Variants in ZNRF1 observed in about 807,000 individuals in gnomAD.
ZNRF1 encodes the protein E3 ubiquitin-protein ligase ZNRF1.
Under a neutral mutation model 18.4 loss-of-function variants are expected in ZNRF1, and 3 were observed. The ratio of observed to expected loss-of-function variants is 0.16; its 90% CI spans 0.07 to 0.42. ZNRF1 has a LOEUF of 0.42. ZNRF1 is among the 10% of genes least tolerant of loss of function. The pLI, the probability that ZNRF1 is intolerant of heterozygous loss-of-function variation, is 0.99. For missense variants in ZNRF1, 310 were observed against 329.8 expected (o/e 0.94, Z 0.47); for synonymous variants, 157 against 144.2 (o/e 1.09, Z -0.64).
At chr16:75,004,637 A>T (rs1290683872) in intron 1 of ZNRF1, among the ~76,000 whole-genome samples, 19 of 152,154 alleles carry the variant, frequency 1.2e-4, no homozygotes, top group Admixed American at 1.2e-3. Flanking sequence ...TTTTTGAGAC[A>T]GGGTCTTGCT....
chr16:75,057,180 C>T (rs117601275), intron 1 of ZNRF1, among the ~76,000 whole-genome samples: 1,823 of 152,296 alleles, frequency 0.012, 14 homozygotes, highest in Non-Finnish European at 0.018. Context: ...CCCACCCTGC[C>T]GTCCTGCTGC....
Position 75,108,903 on chromosome 16 carries a change from C to T in ZNRF1, c.*1203C>T, listed in dbSNP as rs993866217. On this transcript the variant is annotated 3_prime_UTR_variant, in exon 5 of 5. Transcript: ENST00000335325. The stretch of plus-strand genomic sequence containing the variant: ...GCAAGTCAGGCGTGCCTCCTACAAG[C>T]TTCCTAACCTCTTAAGCATCATGGA... The T allele has an allele frequency of 8.6e-6, 2 of 232,748 alleles. No homozygotes were observed. The highest frequency in any genetic ancestry group is 1.6e-5 in the Non-Finnish European group (2 of 122,366). The allele number at this position is 232,748 out of a possible 1,614,324, so 14.4% of individuals were successfully genotyped here. A position where few individuals can be genotyped will look rare whatever the true frequency, so the allele number is the denominator to read the frequency against.
intron 2 of ZNRF1, chr16:75,104,522 C>T (rs144522322): frequency 1.9e-5 from 6 of 308,476 alleles, no homozygotes; most frequent in African/African-American, 6.6e-5. Context: ...CTTTTTCGTC[C>T]GCTGTCACCT....
chr16:75,011,966 G>C (rs1294348688), intron 1 of ZNRF1, among the ~76,000 whole-genome samples: 2 of 151,940 alleles, frequency 1.3e-5, no homozygotes. Context: ...CTGAAAATTT[G>C]TTTGAAAAAA....
At chr16:75,001,012 G>A (rs991345955) in intron 1 of ZNRF1, among the ~76,000 whole-genome samples, 1 of 152,192 alleles carries the variant, frequency 6.6e-6, no homozygotes, top group Admixed American at 6.5e-5. Flanking sequence ...GGCAAAAAAG[G>A]CCTGGCAGGA....
At chr16:75,042,435 G>GTTTC (rs1245167707) in intron 1 of ZNRF1, among the ~76,000 whole-genome samples, 2 of 116,112 alleles carry the variant, frequency 1.7e-5, no homozygotes, top group African/African-American at 6.2e-5. Flanking sequence ...GGGAGTGTCT[G>GTTTC]TTTCTTTCTT....
At chr16:75,001,413 A>C (rs2034847639) in intron 1 of ZNRF1, among the ~76,000 whole-genome samples, 1 of 117,164 alleles carries the variant, frequency 8.5e-6, no homozygotes, top group African/African-American at 2.7e-5. Context: ...GTAGCTTGTG[A>C]ATTGTTAGGA....
In ZNRF1 at chr16:74,999,052, G is replaced by T. The variant is rs952539607; in HGVS notation, c.-620G>T. ...GTCTCCACGGCGGCGAGGAGCGCCG[G>T]CGAGCGCAGCCCGGGACCGAGCGGG... On this transcript the variant is annotated 5_prime_UTR_variant, in exon 1 of 5. Coordinates refer to ENST00000335325, the MANE Select transcript of ZNRF1 (RefSeq NM_032268.5). 5 of 150,546 alleles carry T rather than the reference G, an allele frequency of 3.3e-5. No individual in the cohort carries two copies. Among genetic ancestry groups the T allele is most frequent in the Non-Finnish European group, 5.9e-5 (4 of 67,510 alleles). 9.3% of individuals were successfully genotyped at this position (150,546 alleles called of 1,614,324 possible). A position where few individuals can be genotyped will look rare whatever the true frequency, so the allele number is the denominator to read the frequency against.
chr16:75,105,712 C>T (rs958049307), intron 3 of ZNRF1: 2 of 152,240 alleles, frequency 1.3e-5, no homozygotes, highest in Admixed American at 1.3e-4. Flanking sequence ...CTAACCAGAA[C>T]CAGAAAAGGA....
chr16:75,077,270 C>T (rs528450336), intron 1 of ZNRF1, among the ~76,000 whole-genome samples: 11 of 152,328 alleles, frequency 7.2e-5, no homozygotes, highest in Admixed American at 6.5e-5. Context: ...CGGTGGCTCA[C>T]GCCTGTAATC....
At chr16:75,030,675 C>T (rs758507080) in intron 1 of ZNRF1, among the ~76,000 whole-genome samples, 23 of 152,228 alleles carry the variant, frequency 1.5e-4, no homozygotes, top group Non-Finnish European at 3.1e-4. Flanking sequence ...CTACCCAAGA[C>T]AACCACTAAT....
chr16:75,071,905 A>G (rs989951340), intron 1 of ZNRF1, among the ~76,000 whole-genome samples: 2 of 151,920 alleles, frequency 1.3e-5, no homozygotes, highest in African/African-American at 4.8e-5. Context: ...TGACTCCTGC[A>G]CCTAGGGTAC....
intron 1 of ZNRF1, among the ~76,000 whole-genome samples, chr16:75,079,000 G>A (rs370450072): frequency 6.6e-5 from 10 of 152,298 alleles, no homozygotes; most frequent in African/African-American, 1.9e-4. Context: ...CCTCCTCCAT[G>A]CCTTACTCCC....
chr16:75,084,286 T>C (rs1359591992), intron 1 of ZNRF1: 1 of 152,244 alleles, frequency 6.6e-6, no homozygotes, highest in Non-Finnish European at 1.5e-5. Context: ...GTGAACAGCA[T>C]TGATGACTTA....
intron 1 of ZNRF1, among the ~76,000 whole-genome samples, chr16:75,034,272 A>G (rs1397069299): frequency 6.6e-6 from 1 of 152,242 alleles, no homozygotes. Context: ...TTGCCAAACT[A>G]TAACTCTGTA....
intron 2 of ZNRF1, among the ~76,000 whole-genome samples, chr16:75,098,194 G>C (rs2036220663): frequency 6.6e-6 from 1 of 152,254 alleles, no homozygotes; most frequent in Non-Finnish European, 1.5e-5. Context: ...CGGCTGCACT[G>C]ACTGCCAGAC....
chr16:75,065,422 C>G (rs183413302), intron 1 of ZNRF1, among the ~76,000 whole-genome samples: 1 of 152,222 alleles, frequency 6.6e-6, no homozygotes, highest in Non-Finnish European at 1.5e-5. Context: ...TTGTTACTTA[C>G]ACCTTTGTAG....
At position 75,108,704 on chromosome 16, in the gene ZNRF1, A is replaced by T. The variant is rs887262029; in HGVS notation, c.*1004A>T. On this transcript the variant is annotated 3_prime_UTR_variant, in exon 5 of 5. Transcript: ENST00000335325. ...TTGATATGGTATTAAAATGTCTAAT[A>T]AAAGATGGCACTGCGTGATTTTATT... 5.0e-6 allele frequency: 2 copies of T among 396,568 alleles called. No individual in the cohort carries two copies. The highest frequency in any genetic ancestry group is 4.1e-5 in the African/African-American group (2 of 48,608). The allele number at this position is 396,568 out of a possible 1,614,324, so 24.6% of individuals were successfully genotyped here. A position where few individuals can be genotyped will look rare whatever the true frequency, so the allele number is the denominator to read the frequency against.
rs115331047 is a variant in ZNRF1, at chr16:75,025,561, C to T, written c.424+25466C>T. 5.8e-3 allele frequency among the ~76,000 whole-genome samples: 882 copies of T among 152,144 alleles called. 3 individuals are homozygous for T. The highest frequency in any genetic ancestry group is 0.02 in the African/African-American group (847 of 41,498). ...TCTCTATGAGTTGTTATAAGACTAC[C>T]ACAGGAAAGATCGTATAGCCCCTCC... On this transcript the variant is annotated intron_variant, in intron 1 of 4. Coordinates refer to ENST00000335325, the MANE Select transcript of ZNRF1 (RefSeq NM_032268.5).
Sources: allele counts gnomAD v4.1 joint callset (sites outside exome capture counted in the v4.1 genomes callset), GRCh38; gene constraint gnomAD v4.1.1; transcripts MANE v1.5; gene names NCBI Gene and HGNC (gene_info 2026-07-23, HGNC 2026-07-21).